The following DENND2B variants were observed in gnomAD, a reference collection of about 807,000 sequenced individuals.
The protein encoded by DENND2B is DENN domain containing 2B.
In DENND2B, 32 loss-of-function variants were observed where a neutral mutation model predicts 116.0. The ratio of observed to expected loss-of-function variants is 0.28; its 90% confidence interval spans 0.21 to 0.37. DENND2B has a LOEUF of 0.37. DENND2B is among the 10% of genes least tolerant of loss of function. DENND2B has a pLI of 1.00. For missense variants in DENND2B, 1,276 were observed against 1,477.7 expected (o/e 0.86, Z 2.24); for synonymous variants, 588 against 583.9 (o/e 1.01, Z -0.10).
Position 8,730,283 on chromosome 11 carries a change from C to G in DENND2B, c.1007G>C (p.Ser336Thr). 1 of 1,608,848 alleles carries G rather than the reference C, an allele frequency of 6.2e-7. No individual in the cohort carries two copies. Among genetic ancestry groups the G allele is most frequent in the East Asian group, 2.2e-5 (1 of 44,874 alleles). ...PAGGASVSAG[S>T]RAVGVAGVAG... Reference sequence around the variant, plus strand: ...AACACCAGCCACTCCGACTGCCCGGCTGCCAGCGCTCACACTCGCGCCCCC... The same window carrying G: ...AACACCAGCCACTCCGACTGCCCGGGTGCCAGCGCTCACACTCGCGCCCCC... The change falls in exon 3 of 20, where the codon AGC becomes ACC. Residue 336 changes from serine (S) to threonine (T), a missense_variant. Ser to Thr is a moderately conservative substitution (Grantham distance 58, BLOSUM62 1). Transcript: ENST00000313726. The surrounding 1 kb of genome is among the most constrained non-coding windows in gnomAD (Gnocchi z 4.1).
At chr11:8,835,837 TC>T (rs2062399000) in intron 4 of DENND2B, 1 of 152,088 alleles carries the variant, frequency 6.6e-6, no homozygotes, top group African/African-American at 2.4e-5. Context: ...CAACCAGACA[TC>T]GTTGGCATTC....
intron 4 of DENND2B, among the ~76,000 whole-genome samples, chr11:8,838,908 T>C (rs370692016): frequency 3.7e-4 from 56 of 152,216 alleles, no homozygotes; most frequent in Non-Finnish European, 3.8e-4. Flanking sequence ...CAGAGCAACA[T>C]AGAAGCAATG....
At chr11:8,879,783 A>G (rs2063882621) in intron 2 of DENND2B, among the ~76,000 whole-genome samples, 1 of 152,206 alleles carries the variant, frequency 6.6e-6, no homozygotes, top group African/African-American at 2.4e-5. Flanking sequence ...ATTGAAAAAA[A>G]AATTATGGGA....
At chr11:8,725,513 TAC>T (rs1375522609) in intron 4 of DENND2B, among the ~76,000 whole-genome samples, 1 of 152,080 alleles carries the variant, frequency 6.6e-6, no homozygotes, top group African/African-American at 2.4e-5. Context: ...TAGCTGGGAT[TAC>T]AGGTGCCTGC....
Position 8,758,660 on chromosome 11 carries a change from G to C in DENND2B, c.-25-7935C>G, listed in dbSNP as rs1490725692. On this transcript the variant is annotated intron_variant, in intron 1 of 19. Transcript: ENST00000313726. ...CAGATTCTAGCTTCTTTTGAAAAAT[G>C]AGAAAATTTACCATCACTGTGTGCA... 3.9e-5 allele frequency among the ~76,000 whole-genome samples: 6 copies of C among 152,208 alleles called. No individual in the cohort carries two copies. In the East Asian group the frequency reaches 1.2e-3, roughly 29 times the overall value.
chr11:8,737,115 A>G (rs976591477), intron 2 of DENND2B, among the ~76,000 whole-genome samples: 2 of 152,234 alleles, frequency 1.3e-5, no homozygotes, highest in African/African-American at 4.8e-5. Context: ...CTAGGACAGC[A>G]TCAGGATATT....
intron 1 of DENND2B, among the ~76,000 whole-genome samples, chr11:8,761,328 A>G (rs1025509988): frequency 9.2e-5 from 14 of 152,200 alleles, no homozygotes; most frequent in African/African-American, 3.1e-4. Context: ...TACTCTGCCC[A>G]ATATCTTGTC....
At chr11:8,792,805 C>G (rs1482474227) in intron 1 of DENND2B, among the ~76,000 whole-genome samples, 1 of 152,182 alleles carries the variant, frequency 6.6e-6, no homozygotes, top group Non-Finnish European at 1.5e-5. Flanking sequence ...TGGAAAGAGG[C>G]ACCTCCATAC....
At chr11:8,797,446 C>T (rs1399854815) in intron 1 of DENND2B, among the ~76,000 whole-genome samples, 1 of 127,410 alleles carries the variant, frequency 7.8e-6, no homozygotes, top group Non-Finnish European at 1.7e-5. Context: ...CCCTTCTTCC[C>T]CCTTCTTCCT....
chr11:8,725,706 T>A (rs1592763667), intron 4 of DENND2B, among the ~76,000 whole-genome samples: 1 of 152,356 alleles, frequency 6.6e-6, no homozygotes, highest in East Asian at 1.9e-4. Flanking sequence ...CACATCATCA[T>A]GTTATAAGAG....
In DENND2B at chr11:8,714,630, A is replaced by T; in HGVS notation, c.1922T>A (p.Ile641Asn). The part of the protein sequence containing the change: ...KRLKKLSMSS[I>N]ETASLRDENS... ...CCTACCTCTCAGTGATGCTGTTTCA[A>T]TGCTGGACATAGACAACTTTTTTAA... The change falls in exon 7 of 20, where the codon ATT (isoleucine) becomes AAT (asparagine). Residue 641 changes from isoleucine (I) to asparagine (N), a missense_variant. Physicochemically the swap from Ile to Asn is moderately radical, Grantham distance 149. Transcript: ENST00000313726. 2.5e-6 allele frequency: 4 copies of T among 1,614,164 alleles called. No homozygotes were observed. Among genetic ancestry groups the T allele is most frequent in the Non-Finnish European group, 3.4e-6 (4 of 1,180,000 alleles).
intron 1 of DENND2B, among the ~76,000 whole-genome samples, chr11:8,792,749 C>T (rs2059494319): frequency 1.3e-5 from 2 of 152,080 alleles, no homozygotes; most frequent in South Asian, 2.1e-4. Flanking sequence ...ATCAGATTGG[C>T]GAAGAGTAAA....
chr11:8,837,267 T>C (rs1041239635), intron 4 of DENND2B, among the ~76,000 whole-genome samples: 1 of 77,572 alleles, frequency 1.3e-5, no homozygotes, highest in East Asian at 8.1e-4. Context: ...GGGGATTACA[T>C]AGGCAGAAGT....
chr11:8,827,255 G>A (rs2062014262), intron 4 of DENND2B, among the ~76,000 whole-genome samples: 1 of 152,236 alleles, frequency 6.6e-6, no homozygotes, highest in Non-Finnish European at 1.5e-5. Context: ...GAGGAGGAAG[G>A]CAGAGTGAAA....
intron 16 of DENND2B, chr11:8,697,844 G>C (rs1329900773): frequency 5.1e-6 from 3 of 588,592 alleles, no homozygotes; most frequent in Non-Finnish European, 6.1e-6. Context: ...AAAAGTGGTA[G>C]AGGGTCAGGC....
Position 8,778,169 on chromosome 11 carries a change from A to G in DENND2B, c.-25-27444T>C, listed in dbSNP as rs143822692. On this transcript the variant is annotated intron_variant, in intron 1 of 19. Coordinates refer to ENST00000313726, the MANE Select transcript of DENND2B (RefSeq NM_213618.2). ...AGGGCAGAACAGAAGGAAAGAAGTT[A>G]CCATTGGCCCTTGGATCACCAGCAA... is the stretch of plus-strand genomic sequence containing the variant. Among the ~76,000 whole-genome samples the G allele has an allele frequency of 7.1e-3, 1,084 of 152,340 alleles. 5 individuals are homozygous for G. Among genetic ancestry groups the G allele is most frequent in the Middle Eastern group, 0.031 (9 of 294 alleles).
chr11:8,766,648 C>T (rs1205350747), intron 1 of DENND2B: 3 of 1,289,302 alleles, frequency 2.3e-6, no homozygotes, highest in Non-Finnish European at 3.0e-6. Flanking sequence ...TTCTTTGTTC[C>T]CACGGGGTTT....
At chr11:8,784,893 C>T (rs1183734435) in intron 1 of DENND2B, among the ~76,000 whole-genome samples, 3 of 151,770 alleles carry the variant, frequency 2.0e-5, no homozygotes, top group Admixed American at 6.6e-5. Flanking sequence ...GGTAAGCCAG[C>T]GGGTAATCAT....
At position 8,730,840 on chromosome 11, in the gene DENND2B, G is replaced by T. The variant is rs1308231939; in HGVS notation, c.450C>A (p.Val150=). ...FPGPAAGPRG[V]LLTRTGTRAH... ...CGCGGGTACCGGTACGGGTCAGCAAGACGCCCCGGGGGCCAGCTGCTGGCC... is the reference window on the plus strand; with the variant it reads ...CGCGGGTACCGGTACGGGTCAGCAATACGCCCCGGGGGCCAGCTGCTGGCC... Residue 150 remains valine (V), a synonymous_variant, in exon 3 of 20, where the codon GTC becomes GTA. Coordinates refer to ENST00000313726, the MANE Select transcript of DENND2B (RefSeq NM_213618.2). The surrounding 1 kb of genome is among the most constrained non-coding windows in gnomAD (Gnocchi z 4.1). The T allele has an allele frequency of 3.1e-6, 5 of 1,613,206 alleles. No individual in the cohort carries two copies. The highest frequency in any genetic ancestry group is 3.4e-6 in the Non-Finnish European group (4 of 1,179,978).
Sources: gnomAD v4.1 joint callset for allele counts (sites outside exome capture counted in the v4.1 genomes callset) on GRCh38, gnomAD v4.1.1 for gene constraint, Gnocchi (gnomAD v3.1) non-coding constraint, MANE v1.5 for transcripts, NCBI Gene and HGNC (gene_info 2026-07-23, HGNC 2026-07-21) for gene names.